Variants in RPS6KA2 observed in about 807,000 individuals in gnomAD.
The protein encoded by RPS6KA2 is ribosomal protein S6 kinase alpha-2.
In RPS6KA2, 42 loss-of-function variants were observed where a neutral mutation model predicts 91.8. The ratio of observed to expected loss-of-function variants is 0.46; its 90% CI spans 0.36 to 0.59. RPS6KA2 has a LOEUF of 0.59. Among genes scored for constraint, RPS6KA2 ranks in the 20% least tolerant of loss-of-function variants. RPS6KA2 has a pLI of 0.00. For synonymous variants in RPS6KA2, 414 were observed against 393.6 expected (o/e 1.05, Z -0.61); for missense variants, 798 against 978.5 (o/e 0.82, Z 2.46).
chr6:166,734,360 G>C (rs1562407557), intron 2 of RPS6KA2, among the ~76,000 whole-genome samples: 1 of 152,182 alleles, frequency 6.6e-6, no homozygotes, highest in African/African-American at 2.4e-5. Flanking sequence ...CTCAACTCAA[G>C]ATTTTCTCCC....
intron 2 of RPS6KA2, among the ~76,000 whole-genome samples, chr6:166,824,242 C>G (rs373427030): frequency 6.6e-6 from 1 of 152,256 alleles, no homozygotes; most frequent in African/African-American, 2.4e-5. Flanking sequence ...AGGGAGGCAG[C>G]GAGGGAGGGC....
At position 166,490,324 on chromosome 6, in the gene RPS6KA2, A is replaced by G. The variant is rs1781543715; in HGVS notation, c.818+347T>C. On this transcript the variant is annotated intron_variant, in intron 9 of 20. Transcript: ENST00000265678. The surrounding 1 kb of genome is among the most constrained non-coding windows in gnomAD (Gnocchi z 4.2). ...ATCCTTTACTTCTGGGAGGTCACCA[A>G]CCATCACGCTTGAAAACCAGCCACT... Among the ~76,000 whole-genome samples, 1 of 152,014 alleles carries G rather than the reference A, an allele frequency of 6.6e-6. No homozygotes were observed. Among genetic ancestry groups the G allele is most frequent in the African/African-American group, 2.4e-5 (1 of 41,308 alleles).
chr6:166,849,422 T>A lies in RPS6KA2; in HGVS notation c.123+8778A>T, dbSNP rs535814975. Among the ~76,000 whole-genome samples, 10 of 152,302 alleles carry A rather than the reference T, an allele frequency of 6.6e-5. No individual in the cohort carries two copies. In the South Asian group the frequency reaches 2.1e-3, roughly 32 times the overall value. On this transcript the variant is annotated intron_variant, in intron 2 of 21. Coordinates refer to the RPS6KA2 transcript ENST00000503859. The surrounding 1 kb of genome is among the most constrained non-coding windows in gnomAD (Gnocchi z 4.9). ...AAGATTCGTGCTGTCTTCTTTTTCATAGAATCCTGGTGCCCAGCACAGGGC... is the reference window on the plus strand; with the variant it reads ...AAGATTCGTGCTGTCTTCTTTTTCAAAGAATCCTGGTGCCCAGCACAGGGC...
chr6:166,469,988 G>A (rs1288823718), intron 10 of RPS6KA2, 83 bp from the exon 11 acceptor site: 3 of 1,277,790 alleles, frequency 2.3e-6, no homozygotes, highest in East Asian at 4.6e-5. Flanking sequence ...TGTGGAGGGT[G>A]GGGATGTGCA....
chr6:166,695,407 G>A lies in RPS6KA2; in HGVS notation c.124-156623C>T, dbSNP rs113820491. Among the ~76,000 whole-genome samples the A allele has an allele frequency of 6.2e-4, 95 of 152,276 alleles. 2 individuals are homozygous for A. Among genetic ancestry groups the A allele is most frequent in the African/African-American group, 2.1e-3 (87 of 41,558 alleles). On this transcript the variant is annotated intron_variant, in intron 2 of 21. Transcript: ENST00000503859. Reference sequence around the variant, plus strand: ...CACAGAGACGTACATGGCCAGAACTGGCCAGAAAATGGGGTAAGCTCTTGT... The same window carrying A: ...CACAGAGACGTACATGGCCAGAACTAGCCAGAAAATGGGGTAAGCTCTTGT...
chr6:166,622,028 A>G (rs1387920312), intron 1 of RPS6KA2, among the ~76,000 whole-genome samples: 1 of 152,230 alleles, frequency 6.6e-6, no homozygotes, highest in Non-Finnish European at 1.5e-5. Flanking sequence ...GGATGTGAAC[A>G]TAGTTCCTTT....
rs565574046 is a variant in RPS6KA2, at chr6:166,498,780, A to G, written c.605-130T>C. On this transcript the variant is annotated intron_variant, in intron 7 of 20. Coordinates refer to ENST00000265678, the MANE Select transcript of RPS6KA2 (RefSeq NM_021135.6). ...AGGTGGGCGCAGCAGAGCCCTGCTCAGCAAAAGCGGGACCATGTGAGTGCT... is the reference window on the plus strand; with the variant it reads ...AGGTGGGCGCAGCAGAGCCCTGCTCGGCAAAAGCGGGACCATGTGAGTGCT... 63 of 1,208,714 alleles carry G rather than the reference A, an allele frequency of 5.2e-5. No individual in the cohort carries two copies. In the African/African-American group the frequency reaches 8.8e-4, roughly 17 times the overall value. The allele number at this position is 1,208,714 out of a possible 1,614,324, so 74.9% of individuals were successfully genotyped here. A position where few individuals can be genotyped will look rare whatever the true frequency, so the allele number is the denominator to read the frequency against.
rs530901588 is a variant in RPS6KA2 at position 166,437,806 on chromosome 6, T to G, written c.1333-5316A>C. 2.9e-4 allele frequency among the ~76,000 whole-genome samples: 44 copies of G among 152,180 alleles called. No homozygotes were observed. The highest frequency in any genetic ancestry group is 1.1e-3 in the African/African-American group (44 of 41,534). The stretch of plus-strand genomic sequence containing the variant: ...CGACAACAGGAGACTTCGCTGCTCT[T>G]GATAACACCTTTCCTCCTGCTGGCC... On this transcript the variant is annotated intron_variant, in intron 14 of 20. Transcript: ENST00000265678. The surrounding 1 kb of genome is among the most constrained non-coding windows in gnomAD (Gnocchi z 4.3).
At chr6:166,430,350 G>T in intron 16 of RPS6KA2, 103 bp downstream of exon 16, 1 of 1,044,624 alleles carries the variant, frequency 9.6e-7, no homozygotes, top group East Asian at 2.5e-5. Context: ...GGAATTCCAG[G>T]ACAATCCGCG....
At chr6:166,586,567 C>T (rs1434858383) in intron 1 of RPS6KA2, 21 of 1,263,982 alleles carry the variant, frequency 1.7e-5, no homozygotes, top group East Asian at 4.9e-5. Flanking sequence ...CAGCTCAGGC[C>T]GAACCCCGCC....
Position 166,508,432 on chromosome 6 carries a change from A to G in RPS6KA2, c.380-150T>C. The G allele has an allele frequency of 1.6e-6, 1 of 609,420 alleles. No homozygotes were observed. The highest frequency in any genetic ancestry group is 1.9e-5 in the South Asian group (1 of 52,308). The allele number at this position is 609,420 out of a possible 1,614,324, so 37.8% of individuals were successfully genotyped here. A position where few individuals can be genotyped will look rare whatever the true frequency, so the allele number is the denominator to read the frequency against. On this transcript the variant is annotated intron_variant, in intron 4 of 20. Transcript: ENST00000265678. This position sits in a 1 kb window ranked among gnomAD's most constrained non-coding sequence, Gnocchi z 4.3. Reference sequence around the variant, plus strand: ...GGACCCCGGCTGGTGACCAGCTCAGAGGGGCAGCACCCGGCAGAGGGGGTC... The same window carrying G: ...GGACCCCGGCTGGTGACCAGCTCAGGGGGGCAGCACCCGGCAGAGGGGGTC...
chr6:166,602,628 A>G (rs922679849), intron 1 of RPS6KA2, among the ~76,000 whole-genome samples: 1 of 152,254 alleles, frequency 6.6e-6, no homozygotes, highest in African/African-American at 2.4e-5. Context: ...GACTCCATTT[A>G]TATGACACGT....
chr6:166,745,317 A>G (rs1020883111), intron 2 of RPS6KA2, among the ~76,000 whole-genome samples: 2 of 151,716 alleles, frequency 1.3e-5, no homozygotes, highest in Admixed American at 6.6e-5. Context: ...ATGCCTGGCT[A>G]ATTTTTGTAT....
rs1378529032 is a variant in RPS6KA2, at chr6:166,413,836, C to G, written c.2034G>C (p.Leu678=). The change falls in exon 20 of 21, where the codon CTG becomes CTC. Residue 678 remains leucine (L), a synonymous_variant. Coordinates refer to ENST00000265678, the MANE Select transcript of RPS6KA2 (RefSeq NM_021135.6). ...KHPWVVNREY[L]SPNQLSRQDV... Reference sequence around the variant, plus strand: ...CCTGTCGGCTGAGCTGGTTTGGGGACAGGTACTCTCTGTTGACCACCCACG... The same window carrying G: ...CCTGTCGGCTGAGCTGGTTTGGGGAGAGGTACTCTCTGTTGACCACCCACG... The G allele has an allele frequency of 6.2e-7, 1 of 1,614,086 alleles. No individual in the cohort carries two copies. Among genetic ancestry groups the G allele is most frequent in the African/African-American group, 1.3e-5 (1 of 74,944 alleles).
chr6:166,524,738 C>A (rs927803713), intron 3 of RPS6KA2, among the ~76,000 whole-genome samples: 2 of 152,316 alleles, frequency 1.3e-5, no homozygotes, highest in Non-Finnish European at 1.5e-5. Flanking sequence ...GAGAGCCTCA[C>A]GTCGGCAATG....
chr6:166,640,231 C>A (rs1490784808), intron 2 of RPS6KA2, among the ~76,000 whole-genome samples: 4 of 148,008 alleles, frequency 2.7e-5, no homozygotes, highest in South Asian at 4.3e-4. Flanking sequence ...AAAAAAAAAA[C>A]CCATCATAGA....
intron 2 of RPS6KA2, among the ~76,000 whole-genome samples, chr6:166,833,794 T>C (rs1780246824): frequency 6.6e-6 from 1 of 152,244 alleles, no homozygotes; most frequent in Non-Finnish European, 1.5e-5. Flanking sequence ...TTCCAGCTTT[T>C]TGTGATTATG....
chr6:166,477,029 G>T (rs1781002971), intron 10 of RPS6KA2, among the ~76,000 whole-genome samples: 1 of 152,176 alleles, frequency 6.6e-6, no homozygotes, highest in Non-Finnish European at 1.5e-5. Context: ...AGAAGCAGAG[G>T]TAAGTTCCAG....
chr6:166,778,331 A>G (rs1226708579), intron 2 of RPS6KA2, among the ~76,000 whole-genome samples: 2 of 152,266 alleles, frequency 1.3e-5, no homozygotes, highest in African/African-American at 4.8e-5. Context: ...ATATCAATAC[A>G]TTCAAGATGC....
Sources: gnomAD v4.1 joint callset for allele counts (sites outside exome capture counted in the v4.1 genomes callset) on GRCh38, gnomAD v4.1.1 for gene constraint, Gnocchi (gnomAD v3.1) non-coding constraint, MANE v1.5 for transcripts, NCBI Gene and HGNC (gene_info 2026-07-23, HGNC 2026-07-21) for gene names.